The following BCAR3 variants were observed in gnomAD, a reference collection of about 807,000 sequenced individuals.
BCAR3 encodes breast cancer anti-estrogen resistance protein 3.
Under a neutral mutation model 80.1 loss-of-function variants are expected in BCAR3, and 37 were observed. The ratio of observed to expected loss-of-function variants is 0.46; its 90% CI spans 0.36 to 0.61. The LOEUF is 0.61. Ranked by LOEUF, BCAR3 falls within the 20% of genes least tolerant of loss-of-function variation. The probability of loss-of-function intolerance (pLI) is 0.00; values close to 1 mark genes in which losing one functional copy is unlikely to be tolerated. For missense variants in BCAR3, 978 were observed against 1,068.2 expected, an observed-to-expected ratio of 0.92 and a Z score of 1.18; for synonymous variants, 389 against 418.9, an observed-to-expected ratio of 0.93 and a Z score of 0.87.
chr1:93,757,176 G>C (rs1356368945), intron 2 of BCAR3, among the ~76,000 whole-genome samples: 1 of 152,178 alleles, frequency 6.6e-6, no homozygotes, highest in Admixed American at 6.5e-5. Context: ...CTTTACTCCT[G>C]TCTTCTGTTA....
chr1:93,762,641 G>A (rs967203199), intron 2 of BCAR3, among the ~76,000 whole-genome samples: 9 of 152,126 alleles, frequency 5.9e-5, no homozygotes, highest in Non-Finnish European at 7.4e-5. Flanking sequence ...CCCAATCATT[G>A]TCACGTCCTA....
At chr1:93,801,817 C>G (rs2100790129) in intron 2 of BCAR3, among the ~76,000 whole-genome samples, 1 of 152,242 alleles carries the variant, frequency 6.6e-6, no homozygotes, top group Non-Finnish European at 1.5e-5. Context: ...GACCTTATCT[C>G]CACAAAAAAT....
intron 2 of BCAR3, among the ~76,000 whole-genome samples, chr1:93,643,996 C>A (rs990686845): frequency 1.3e-5 from 2 of 152,044 alleles, no homozygotes; most frequent in African/African-American, 4.8e-5. Flanking sequence ...ACCATAAATT[C>A]TCATCAGATG....
intron 2 of BCAR3, among the ~76,000 whole-genome samples, chr1:93,713,193 G>C (rs907869699): frequency 6.6e-6 from 1 of 152,124 alleles, no homozygotes; most frequent in Admixed American, 6.5e-5. Context: ...ACGGGTAGTG[G>C]CTTCTGTATT....
intron 2 of BCAR3, among the ~76,000 whole-genome samples, chr1:93,786,786 G>A (rs531017675): frequency 2.3e-4 from 35 of 152,310 alleles, no homozygotes; most frequent in African/African-American, 7.0e-4. Flanking sequence ...TGGACAATCT[G>A]AAGCTTAATT....
intron 3 of BCAR3, among the ~76,000 whole-genome samples, chr1:93,697,722 G>A (rs148177255): frequency 2.6e-5 from 4 of 152,266 alleles, no homozygotes; most frequent in East Asian, 1.9e-4. Context: ...ACTCAAGCCT[G>A]TAATCCCAGC....
At chr1:93,609,826 T>A (rs996251638) in intron 3 of BCAR3, among the ~76,000 whole-genome samples, 1 of 152,128 alleles carries the variant, frequency 6.6e-6, no homozygotes. Flanking sequence ...AGAAGGCCAA[T>A]TCTCCTCCTT....
At chr1:93,774,345 G>A (rs568598176) in intron 2 of BCAR3, among the ~76,000 whole-genome samples, 28 of 152,114 alleles carry the variant, frequency 1.8e-4, no homozygotes, top group Admixed American at 9.8e-4. Context: ...TTAGCCGGGC[G>A]TGGTGGCGTG....
Position 93,822,186 on chromosome 1 carries a change from C to CT in BCAR3, c.-63+23380dup, listed in dbSNP as rs5776189. On this transcript the variant is annotated intron_variant, in intron 2 of 13. Coordinates refer to the BCAR3 transcript ENST00000370244. ...TCCATCTTTGTGATGTTTTTTTTTT[C>CT]TTTTTTTTTTTTTGAGACAGTCTCT... Among the ~76,000 whole-genome samples, 267 of 141,890 alleles carry CT rather than the reference C, an allele frequency of 1.9e-3. 1 individual carries two copies. The highest frequency in any genetic ancestry group is 0.015 in the East Asian group (73 of 4,822). The allele number at this position is 141,890 out of a possible 152,430, so 93.1% of individuals were successfully genotyped here.
intron 11 of BCAR3, among the ~76,000 whole-genome samples, chr1:93,565,830 A>G (rs1395002917): frequency 3.3e-5 from 5 of 152,206 alleles, no homozygotes; most frequent in Admixed American, 6.5e-5. Flanking sequence ...GAATTAAATA[A>G]ATGGAGTCTC....
chr1:93,742,694 T>C (rs1454964545), intron 2 of BCAR3, among the ~76,000 whole-genome samples: 3 of 152,248 alleles, frequency 2.0e-5, no homozygotes, highest in African/African-American at 7.2e-5. Flanking sequence ...TTGCTGGTAC[T>C]AAAAGTCTCT....
chr1:93,567,545 C>T (rs1570902608), intron 10 of BCAR3, 54 bp from the exon 11 acceptor site: 3 of 1,581,238 alleles, frequency 1.9e-6, no homozygotes, highest in East Asian at 2.2e-5. Context: ...AAGTTAAGCA[C>T]AGAATGAGGT....
chr1:93,741,722 C>A (rs1372166865), intron 2 of BCAR3, among the ~76,000 whole-genome samples: 8 of 152,102 alleles, frequency 5.3e-5, no homozygotes, highest in Non-Finnish European at 5.9e-5. Context: ...GCGTGCACCA[C>A]CACACCCAGC....
chr1:93,703,945 A>C (rs1649738713), intron 3 of BCAR3, among the ~76,000 whole-genome samples: 1 of 152,254 alleles, frequency 6.6e-6, no homozygotes, highest in Non-Finnish European at 1.5e-5. Context: ...GTGGTTATTT[A>C]CATTTAAGTC....
In BCAR3 at chr1:93,586,595, C is replaced by CA. The variant is rs1411652458; in HGVS notation, c.929+2381dup. 6.6e-6 allele frequency among the ~76,000 whole-genome samples: 1 copy of CA among 152,128 alleles called. No homozygotes were observed. The highest frequency in any genetic ancestry group is 1.5e-5 in the Non-Finnish European group (1 of 68,020). ...GGGATTGCTGGATCATATAGTAGCT[C>CA]AATTTTTAGTTTTCTGAGGAACCTC... On this transcript the variant is annotated intron_variant, in intron 5 of 11. Transcript: ENST00000260502. The surrounding 1 kb of genome is among the most constrained non-coding windows in gnomAD (Gnocchi z 4.2).
intron 6 of BCAR3, among the ~76,000 whole-genome samples, chr1:93,583,677 G>T (rs1452610102): frequency 6.6e-6 from 1 of 152,128 alleles, no homozygotes; most frequent in Non-Finnish European, 1.5e-5. Flanking sequence ...TTGTCATGAA[G>T]ACTACCAGTT....
At chr1:93,842,053 A>G (rs1458983061) in intron 2 of BCAR3, among the ~76,000 whole-genome samples, 1 of 151,984 alleles carries the variant, frequency 6.6e-6, no homozygotes, top group Non-Finnish European at 1.5e-5. Context: ...CTCACAATGT[A>G]ATCTTTCTCT....
intron 3 of BCAR3, among the ~76,000 whole-genome samples, chr1:93,598,002 C>G (rs1006979507): frequency 4.6e-5 from 7 of 152,228 alleles, no homozygotes; most frequent in African/African-American, 1.7e-4. Context: ...TCTTGACAGG[C>G]TGGAATAGCC....
At chr1:93,625,471 G>A (rs987598592) in intron 3 of BCAR3, among the ~76,000 whole-genome samples, 1 of 152,254 alleles carries the variant, frequency 6.6e-6, no homozygotes, top group East Asian at 1.9e-4. Context: ...ACCCACCTGG[G>A]CCTGGTAAAA....
Sources: gnomAD v4.1 joint callset for allele counts (sites outside exome capture counted in the v4.1 genomes callset) on GRCh38, gnomAD v4.1.1 for gene constraint, Gnocchi (gnomAD v3.1) non-coding constraint, MANE v1.5 for transcripts, NCBI Gene and HGNC (gene_info 2026-07-23, HGNC 2026-07-21) for gene names.